Variants in CHRDL2 observed in about 807,000 individuals in gnomAD.
CHRDL2 encodes the protein chordin like 2.
CHRDL2 carries 41 observed loss-of-function variants against 54.3 expected under a neutral mutation model. The observed-to-expected ratio is 0.76, with a 90% CI of 0.59 to 0.98. The LOEUF is 0.98. CHRDL2 is among the 50% of genes least tolerant of loss of function. The pLI, the probability that CHRDL2 is intolerant of heterozygous loss-of-function variation, is 0.00. For missense variants in CHRDL2, 518 were observed against 562.4 expected, an observed-to-expected ratio of 0.92 and a Z score of 0.80; for synonymous variants, 220 against 224.3, an observed-to-expected ratio of 0.98 and a Z score of 0.17.
At chr11:74,730,693 C>G in intron 1 of CHRDL2, 114 bp downstream of exon 1, 1 of 994,774 alleles carries the variant, frequency 1.0e-6, no homozygotes, top group Non-Finnish European at 1.5e-6. Context: ...CCCTCCGGCA[C>G]AGGTGCTGCC....
At chr11:74,726,882 G>C (rs2034580665) in intron 1 of CHRDL2, among the ~76,000 whole-genome samples, 2 of 152,180 alleles carry the variant, frequency 1.3e-5, no homozygotes, top group Non-Finnish European at 2.9e-5. Context: ...ACAGGTAGAT[G>C]GGGATGCGAC....
At chr11:74,698,219 A>T (rs1445444194) in intron 9 of CHRDL2, 1 of 139,220 alleles carries the variant, frequency 7.2e-6, no homozygotes, top group East Asian at 2.1e-4. Context: ...GCCCGCCACC[A>T]CACCTGGCTA....
intron 6 of CHRDL2, among the ~76,000 whole-genome samples, chr11:74,705,022 G>T (rs2033963694): frequency 6.6e-6 from 1 of 152,172 alleles, no homozygotes; most frequent in Non-Finnish European, 1.5e-5. Context: ...TGAGCATGCA[G>T]TGAGGATGCA....
At chr11:74,726,608 C>T (rs1022586959) in intron 1 of CHRDL2, among the ~76,000 whole-genome samples, 2 of 152,160 alleles carry the variant, frequency 1.3e-5, no homozygotes, top group Non-Finnish European at 2.9e-5. Flanking sequence ...ATTCAAGGTC[C>T]CTCTCCCAGA....
intron 1 of CHRDL2, among the ~76,000 whole-genome samples, chr11:74,724,744 A>G (rs1409165705): frequency 6.6e-6 from 1 of 152,190 alleles, no homozygotes; most frequent in Non-Finnish European, 1.5e-5. Context: ...TGCAGAACTG[A>G]GTTCAGCCCT....
At chr11:74,730,671 C>T in intron 1 of CHRDL2, 136 bp downstream of exon 1, 3 of 797,318 alleles carry the variant, frequency 3.8e-6, no homozygotes, top group South Asian at 3.0e-5. Context: ...CTGGTCCTCA[C>T]GGAGTCTCCA....
intron 4 of CHRDL2, among the ~76,000 whole-genome samples, chr11:74,710,215 C>CAA (rs1180503358): frequency 1.2e-4 from 9 of 73,986 alleles, no homozygotes; most frequent in Non-Finnish European, 1.7e-4. Context: ...GACTCCGTCT[C>CAA]AAAAAAAAAA....
At chr11:74,724,406 C>G (rs1449375992) in intron 1 of CHRDL2, among the ~76,000 whole-genome samples, 1 of 152,248 alleles carries the variant, frequency 6.6e-6, no homozygotes, top group Non-Finnish European at 1.5e-5. Context: ...TTGATCTAAT[C>G]TGATTTCAGG....
In CHRDL2 at chr11:74,696,583, G is replaced by A; in HGVS notation, c.1216C>T (p.His406Tyr). 1 of 1,612,822 alleles carries A rather than the reference G, an allele frequency of 6.2e-7. No individual in the cohort carries two copies. The highest frequency in any genetic ancestry group is 8.5e-7 in the Non-Finnish European group (1 of 1,179,172). ...GTCTGGGCTAGGAAGACGTTCCAGT[G>A]ACCTGCATGGAGGAGGGCAGAAGAG... is the stretch of plus-strand genomic sequence containing the variant. ...FRLLAGPHEG[H>Y]WNVFLAQTLE... The change falls in exon 11 of 11, where the codon CAC becomes TAC. Residue 406 changes from histidine (H) to tyrosine (Y), a missense_variant and splice_region_variant. Physicochemically the swap from His to Tyr is moderately conservative, Grantham distance 83 (BLOSUM62 2). Coordinates refer to ENST00000376332, the MANE Select transcript of CHRDL2 (RefSeq NM_001278473.3).
intron 4 of CHRDL2, 83 bp downstream of exon 4, chr11:74,710,766 C>T (rs2034161645): frequency 2.7e-6 from 4 of 1,483,370 alleles, no homozygotes; most frequent in East Asian, 4.8e-5. Context: ...AGGAACAATC[C>T]CCCCAGTCCG....
chr11:74,701,409 G>GC (rs1270006999), intron 9 of CHRDL2: 1 of 522,296 alleles, frequency 1.9e-6, no homozygotes, highest in Non-Finnish European at 3.5e-6. Context: ...TGCTCCCTCT[G>GC]CCTGGGACAG....
intron 7 of CHRDL2, 95 bp downstream of exon 7, chr11:74,704,391 C>T: frequency 8.5e-7 from 1 of 1,177,544 alleles, no homozygotes; most frequent in Non-Finnish European, 1.2e-6. Flanking sequence ...TAGGGAACTG[C>T]TGAGGAGAGG....
chr11:74,713,796 A>G (rs547958301), intron 2 of CHRDL2, among the ~76,000 whole-genome samples: 1 of 152,218 alleles, frequency 6.6e-6, no homozygotes, highest in Admixed American at 6.5e-5. Flanking sequence ...TGATGCTTTG[A>G]CTGCACTATT....
intron 9 of CHRDL2, 105 bp downstream of exon 9, chr11:74,702,689 G>A (rs1189582549): frequency 8.5e-7 from 1 of 1,178,700 alleles, no homozygotes. Context: ...GGGGCAGCCA[G>A]AGGCACCTGA....
chr11:74,703,570 G>A (rs573451761), intron 7 of CHRDL2, 71 bp from the exon 8 acceptor site: 54 of 1,360,684 alleles, frequency 4.0e-5, no homozygotes, highest in Middle Eastern at 4.0e-4. Context: ...GTCCAGCAGC[G>A]GGTGGGGTGG....
chr11:74,715,964 C>T (rs994878601), intron 2 of CHRDL2, among the ~76,000 whole-genome samples: 12 of 151,688 alleles, frequency 7.9e-5, no homozygotes, highest in Admixed American at 2.0e-4. Context: ...GGTGACAGAG[C>T]GAGACTCTGT....
At chr11:74,720,730 G>C (rs1053094486) in intron 1 of CHRDL2, among the ~76,000 whole-genome samples, 1 of 152,210 alleles carries the variant, frequency 6.6e-6, no homozygotes, top group Non-Finnish European at 1.5e-5. Context: ...GGGGTGAGCG[G>C]GGAGCTCACA....
chr11:74,730,796 G>C lies in CHRDL2; in HGVS notation c.82+11C>G. ...CCCTCCTCTGCCCACCCAGCCTCCC[G>C]GTCTACTTACGGGCTCGAGCGTGGG... On this transcript the variant is annotated intron_variant, in intron 1 of 10. Transcript: ENST00000376332. 6.2e-7 allele frequency: 1 copy of C among 1,605,526 alleles called. No individual in the cohort carries two copies. Among genetic ancestry groups the C allele is most frequent in the Non-Finnish European group, 8.5e-7 (1 of 1,176,490 alleles).
In CHRDL2 at chr11:74,696,697, G is replaced by C. The variant is rs2033606247; in HGVS notation, c.1214-112C>G. ...GGGCCAGGAGGAACTGCAAGGGCCA[G>C]GGTTTGGAGCCCACAGGGAGCCTGG... On this transcript the variant is annotated intron_variant, in intron 10 of 10. Coordinates refer to ENST00000376332, the MANE Select transcript of CHRDL2 (RefSeq NM_001278473.3). 1.5e-5 allele frequency: 12 copies of C among 774,330 alleles called. No individual in the cohort carries two copies. In the Admixed American group the frequency reaches 1.7e-4, roughly 11 times the overall value. The allele number at this position is 774,330 out of a possible 1,614,324, so 48.0% of individuals were successfully genotyped here.
Sources: allele counts gnomAD v4.1 joint callset (sites outside exome capture counted in the v4.1 genomes callset), GRCh38; gene constraint gnomAD v4.1.1; transcripts MANE v1.5; gene names NCBI Gene and HGNC (gene_info 2026-07-23, HGNC 2026-07-21).